The following SAP30L variants were observed in gnomAD, a reference collection of about 807,000 sequenced individuals.
SAP30L encodes SAP30 like.
In SAP30L, 10 loss-of-function variants were observed where a neutral mutation model predicts 22.3. The ratio of observed to expected loss-of-function variants is 0.45; its 90% CI spans 0.28 to 0.76. The LOEUF is 0.76. Among genes scored for constraint, SAP30L ranks in the 30% least tolerant of loss-of-function variants. The probability of loss-of-function intolerance (pLI) is 0.14; values close to 1 mark genes in which losing one functional copy is unlikely to be tolerated. For missense variants in SAP30L, 206 were observed against 237.9 expected (o/e 0.87, Z 0.88); for synonymous variants, 91 against 94.1 (o/e 0.97, Z 0.19).
chr5:154,449,046 C>G lies in SAP30L; in HGVS notation c.202-2045C>G, dbSNP rs193190453. Among the ~76,000 whole-genome samples, 3 of 152,062 alleles carry G rather than the reference C, an allele frequency of 2.0e-5. No homozygotes were observed. The East Asian group carries it at 5.8e-4, about 29-fold the overall frequency. On this transcript the variant is annotated intron_variant, in intron 1 of 3. Transcript: ENST00000297109. ...CCCCACTCCCAAAGGCCACTGAGCTCTGAAATTTCTGAAAACCAGTATGTA... is the reference window on the plus strand; with the variant it reads ...CCCCACTCCCAAAGGCCACTGAGCTGTGAAATTTCTGAAAACCAGTATGTA...
At chr5:154,450,700 CT>C (rs1401180459) in intron 1 of SAP30L, among the ~76,000 whole-genome samples, 1 of 152,188 alleles carries the variant, frequency 6.6e-6, no homozygotes, top group Non-Finnish European at 1.5e-5. Flanking sequence ...CCTCCTCACT[CT>C]TTCTGTCATC....
Position 154,446,520 on chromosome 5 carries a change from C to A in SAP30L, c.-85C>A. 8.5e-7 allele frequency: 1 copy of A among 1,180,604 alleles called. No individual in the cohort carries two copies. The highest frequency in any genetic ancestry group is 1.1e-6 in the Non-Finnish European group (1 of 895,972). 73.1% of individuals were successfully genotyped at this position (1,180,604 alleles called of 1,614,324 possible). On this transcript the variant is annotated 5_prime_UTR_variant, in exon 1 of 4. Coordinates refer to ENST00000297109, the MANE Select transcript of SAP30L (RefSeq NM_024632.6). ...CTCTGGGACCCTCGGCTGCGGGGGT[C>A]TCAGCGACCTGCCCCGCGGCAAGCG...
In SAP30L at chr5:154,455,982, A is replaced by G. The variant is rs1582045420; in HGVS notation, c.506A>G (p.Lys169Arg). The change falls in exon 4 of 4, where the codon AAG becomes AGG. Residue 169 changes from lysine (K) to arginine (R), a missense_variant. This residue lies in a region of SAP30L where 136 missense variants were observed against 187.4 expected (regional missense o/e 0.73). Coordinates refer to ENST00000297109, the MANE Select transcript of SAP30L (RefSeq NM_024632.6). ...AYFIYMVKSN[K>R]SRLDQKSEGG... ...TTCATCTACATGGTGAAGAGTAACA[A>G]GAGTAGACTGGACCAGAAATCGGAG... The G allele has an allele frequency of 6.2e-7, 1 of 1,614,112 alleles. No individual in the cohort carries two copies. The highest frequency in any genetic ancestry group is 1.6e-4 in the Middle Eastern group (1 of 6,062).
intron 3 of SAP30L, 62 bp from the exon 4 acceptor site, chr5:154,455,838 G>A: frequency 6.5e-7 from 1 of 1,544,678 alleles, no homozygotes. Context: ...TTTGTACAAT[G>A]TAGAATTTGC....
intron 3 of SAP30L, 64 bp from the exon 4 acceptor site, chr5:154,455,836 A>G (rs1029322329): frequency 3.9e-6 from 6 of 1,541,016 alleles, no homozygotes; most frequent in African/African-American, 2.8e-5. Context: ...TCTTTGTACA[A>G]TGTAGAATTT....
rs1757328336 is a variant in SAP30L at position 154,459,366 on chromosome 5, C to G, written c.*3338C>G. 1.3e-5 allele frequency: 2 copies of G among 152,252 alleles called. No homozygotes were observed. The highest frequency in any genetic ancestry group is 4.8e-5 in the African/African-American group (2 of 41,466). The allele number at this position is 152,252 out of a possible 1,614,324, so 9.4% of individuals were successfully genotyped here. A position where few individuals can be genotyped will look rare whatever the true frequency, so the allele number is the denominator to read the frequency against. ...GAGAACCCACTACCTCGTGGAGAAG[C>G]CTGTTCTTTGTAAACCTCTGGCTTT... On this transcript the variant is annotated 3_prime_UTR_variant, in exon 4 of 4. Coordinates refer to ENST00000297109, the MANE Select transcript of SAP30L (RefSeq NM_024632.6).
chr5:154,449,860 G>A (rs528828512), intron 1 of SAP30L, among the ~76,000 whole-genome samples: 2 of 152,138 alleles, frequency 1.3e-5, no homozygotes, highest in East Asian at 1.9e-4. Context: ...AACATTTTTC[G>A]AGTACCTCCT....
In SAP30L at chr5:154,446,246, G is replaced by C. The variant is rs1756996581; in HGVS notation, c.-359G>C. The stretch of plus-strand genomic sequence containing the variant: ...GCCTTCGAAACCCCCTGGCAACCCA[G>C]GCCCGGAGTCCTTGGGGAGCGGCTG... On this transcript the variant is annotated 5_prime_UTR_variant, in exon 1 of 4. Transcript: ENST00000297109. 1 of 207,412 alleles carries C rather than the reference G, an allele frequency of 4.8e-6. No individual in the cohort carries two copies. Among genetic ancestry groups the C allele is most frequent in the African/African-American group, 2.3e-5 (1 of 43,574 alleles). The allele number at this position is 207,412 out of a possible 1,614,324, so 12.8% of individuals were successfully genotyped here. A position where few individuals can be genotyped will look rare whatever the true frequency, so the allele number is the denominator to read the frequency against.
At position 154,457,200 on chromosome 5, in the gene SAP30L, T is replaced by C. The variant is rs985969988; in HGVS notation, c.*1172T>C. 1 of 152,224 alleles carries C rather than the reference T, an allele frequency of 6.6e-6. No individual in the cohort carries two copies. Among genetic ancestry groups the C allele is most frequent in the African/African-American group, 2.4e-5 (1 of 41,452 alleles). 9.4% of individuals were successfully genotyped at this position (152,224 alleles called of 1,614,324 possible). On this transcript the variant is annotated 3_prime_UTR_variant, in exon 4 of 4. Coordinates refer to ENST00000297109, the MANE Select transcript of SAP30L (RefSeq NM_024632.6). ...CTAATTTTTTTGTTGTTCAAAACGTTGAACTCCTCAATCTAATTATATCAG... is the reference window on the plus strand; with the variant it reads ...CTAATTTTTTTGTTGTTCAAAACGTCGAACTCCTCAATCTAATTATATCAG...
intron 1 of SAP30L, among the ~76,000 whole-genome samples, chr5:154,449,258 T>TC (rs1215531982): frequency 2.0e-5 from 3 of 152,278 alleles, no homozygotes; most frequent in South Asian, 4.1e-4. Flanking sequence ...GCTTTTTTTT[T>TC]CCTGGAGAAA....
intron 3 of SAP30L, 148 bp from the exon 4 acceptor site, chr5:154,455,752 T>C (rs1757249785): frequency 2.9e-6 from 3 of 1,031,860 alleles, no homozygotes; most frequent in Non-Finnish European, 4.1e-6. Flanking sequence ...AAGGGCACTC[T>C]GAGTTCCGCA....
chr5:154,446,543 G>C lies in SAP30L; in HGVS notation c.-62G>C, dbSNP rs1582036975. 15 of 1,316,334 alleles carry C rather than the reference G, an allele frequency of 1.1e-5. No homozygotes were observed. In the East Asian group the frequency reaches 3.4e-4, roughly 30 times the overall value. 81.5% of individuals were successfully genotyped at this position (1,316,334 alleles called of 1,614,324 possible). ...GTCTCAGCGACCTGCCCCGCGGCAA[G>C]CGCGGCCGCGGAGTGGCCTACCGGG... On this transcript the variant is annotated 5_prime_UTR_variant, in exon 1 of 4. Coordinates refer to ENST00000297109, the MANE Select transcript of SAP30L (RefSeq NM_024632.6).
chr5:154,453,303 C>A, intron 2 of SAP30L, 99 bp from the exon 3 acceptor site: 1 of 805,168 alleles, frequency 1.2e-6, no homozygotes, highest in Non-Finnish European at 2.1e-6. Context: ...CCCTCCCCAT[C>A]CTCACCCCTA....
At chr5:154,453,521 T>G in intron 3 of SAP30L, 21 bp downstream of exon 3, 1 of 1,503,706 alleles carries the variant, frequency 6.7e-7, no homozygotes, top group South Asian at 1.1e-5. Context: ...AAAATTGCCC[T>G]CTAAAGAGAG....
intron 1 of SAP30L, among the ~76,000 whole-genome samples, chr5:154,450,056 TAAACTC>T (rs1235831122): frequency 4.6e-5 from 7 of 152,250 alleles, no homozygotes; most frequent in African/African-American, 1.4e-4. Context: ...ATTTAAGGAA[TAAACTC>T]AAATTCAGAA....
Position 154,456,073 on chromosome 5 carries a change from C to T in SAP30L, c.*45C>T. On this transcript the variant is annotated 3_prime_UTR_variant, in exon 4 of 4. Coordinates refer to ENST00000297109, the MANE Select transcript of SAP30L (RefSeq NM_024632.6). Reference sequence around the variant, plus strand: ...GGAATGAAGTGTAATGCTTGATGCACAGGTGATATCTACTACATTTAAGCC... The same window carrying T: ...GGAATGAAGTGTAATGCTTGATGCATAGGTGATATCTACTACATTTAAGCC... The T allele has an allele frequency of 6.3e-7, 1 of 1,586,678 alleles. No individual in the cohort carries two copies. Among genetic ancestry groups the T allele is most frequent in the Non-Finnish European group, 8.6e-7 (1 of 1,166,412 alleles).
At chr5:154,452,395 T>C (rs1358758999) in intron 2 of SAP30L, 22 of 605,454 alleles carry the variant, frequency 3.6e-5, no homozygotes, top group Admixed American at 6.6e-5. Context: ...TTTTGAGGAA[T>C]GTTTTGAAAA....
chr5:154,452,334 T>C (rs2113274959), intron 2 of SAP30L: 1 of 241,410 alleles, frequency 4.1e-6, no homozygotes, highest in East Asian at 1.9e-4. Context: ...TACAAAGAAA[T>C]GGACGTATTC....
intron 2 of SAP30L, chr5:154,452,618 A>G (rs1757168584): frequency 3.3e-6 from 1 of 304,978 alleles, no homozygotes; most frequent in Non-Finnish European, 4.8e-6. Context: ...GTCATCTGCA[A>G]AGACCCCAGC....
Sources: gnomAD v4.1 joint callset for allele counts (sites outside exome capture counted in the v4.1 genomes callset) on GRCh38, gnomAD v4.1.1 for gene constraint, gnomAD v4.1.1 regional missense constraint, MANE v1.5 for transcripts, NCBI Gene and HGNC (gene_info 2026-07-23, HGNC 2026-07-21) for gene names.